The following PTCHD4 variants were observed in gnomAD, a reference collection of about 807,000 sequenced individuals.
PTCHD4 encodes patched domain containing 4.
In PTCHD4, 33 loss-of-function variants were observed where a neutral mutation model predicts 58.1. That is an observed-to-expected ratio of 0.57 (90% CI 0.43 to 0.76). The LOEUF (loss-of-function observed/expected upper bound fraction) is 0.76. PTCHD4 is among the 30% of genes least tolerant of loss of function. The pLI, the probability that PTCHD4 is intolerant of heterozygous loss-of-function variation, is 0.00. For missense variants in PTCHD4, 1,058 were observed against 1,027.1 expected (o/e 1.03, Z -0.41); for synonymous variants, 478 against 409.6 (o/e 1.17, Z -2.02).
chr6:47,888,860 A>C (rs1482144196), intron 4 of PTCHD4, among the ~76,000 whole-genome samples: 1 of 122,370 alleles, frequency 8.2e-6, no homozygotes, highest in African/African-American at 3.2e-5. Context: ...TCCTGTGTCC[A>C]TGTGATCTCA....
At chr6:48,109,279 G>A (rs1765811600) in intron 1 of PTCHD4, among the ~76,000 whole-genome samples, 1 of 151,980 alleles carries the variant, frequency 6.6e-6, no homozygotes, top group Non-Finnish European at 1.5e-5. Context: ...TATAACACCA[G>A]TACCACAAGA....
intron 4 of PTCHD4, among the ~76,000 whole-genome samples, chr6:47,957,784 T>G (rs1230592143): frequency 6.6e-6 from 1 of 151,712 alleles, no homozygotes; most frequent in Non-Finnish European, 1.5e-5. Flanking sequence ...TTTTGTATTT[T>G]TAGTAGAAAA....
At chr6:47,900,131 CTT>C (rs1035961119) in intron 4 of PTCHD4, 4 of 152,080 alleles carry the variant, frequency 2.6e-5, no homozygotes, top group African/African-American at 9.7e-5. Flanking sequence ...TTTCATTTCT[CTT>C]GAGTATATAC....
intron 4 of PTCHD4, among the ~76,000 whole-genome samples, chr6:47,905,919 C>T (rs1561950005): frequency 6.6e-6 from 1 of 152,222 alleles, no homozygotes; most frequent in African/African-American, 2.4e-5. Flanking sequence ...ACAACTGTTT[C>T]CCCTACTGAG....
chr6:47,989,768 A>G (rs1267396983), intron 4 of PTCHD4, among the ~76,000 whole-genome samples: 1 of 152,176 alleles, frequency 6.6e-6, no homozygotes, highest in Non-Finnish European at 1.5e-5. Flanking sequence ...CCTCATGGAG[A>G]GCCTCTGTTA....
At chr6:48,032,432 G>A (rs1763480345) in intron 3 of PTCHD4, among the ~76,000 whole-genome samples, 2 of 151,942 alleles carry the variant, frequency 1.3e-5, no homozygotes, top group South Asian at 4.1e-4. Context: ...GCGTGTGTGT[G>A]TGTGCGTGTG....
rs1375919675 is a variant in PTCHD4 at position 48,069,504 on chromosome 6, G to A, written c.-547C>T. Among the ~76,000 whole-genome samples, 1 of 152,152 alleles carries A rather than the reference G, an allele frequency of 6.6e-6. No homozygotes were observed. The highest frequency in any genetic ancestry group is 1.9e-4 in the East Asian group (1 of 5,172). On this transcript the variant is annotated 5_prime_UTR_variant, in exon 2 of 5. Coordinates refer to ENST00000339488, the MANE Select transcript of PTCHD4 (RefSeq NM_001384253.1). ...TTAACACACCACACAGCATGCAAGG[G>A]ATTTCCTCGCAACACCTTCCTCGCT...
intron 1 of PTCHD4, among the ~76,000 whole-genome samples, chr6:48,100,433 A>G (rs1379556648): frequency 6.6e-6 from 1 of 152,212 alleles, no homozygotes; most frequent in Non-Finnish European, 1.5e-5. Flanking sequence ...CTTTTCAGTC[A>G]TGATGACTCA....
Position 48,060,181 on chromosome 6 carries a change from A to G in PTCHD4, c.417+8049T>C, listed in dbSNP as rs548474257. ...GTTTCCTAAATGAATGTGTATGTGA[A>G]TGGCTTTTGAATCTTACCCACACGA... On this transcript the variant is annotated intron_variant, in intron 3 of 4. Transcript: ENST00000339488. 2.6e-5 allele frequency among the ~76,000 whole-genome samples: 4 copies of G among 152,304 alleles called. No homozygotes were observed. The South Asian group carries it at 8.3e-4, about 32-fold the overall frequency.
chr6:47,873,901 T>C lies in PTCHD4; in HGVS notation c.*4402A>G, dbSNP rs552175032. Among the ~76,000 whole-genome samples the C allele has an allele frequency of 4.6e-5, 7 of 151,832 alleles. No individual in the cohort carries two copies. In the East Asian group the frequency reaches 1.4e-3, roughly 30 times the overall value. On this transcript the variant is annotated 3_prime_UTR_variant, in exon 5 of 5. Coordinates refer to ENST00000339488, the MANE Select transcript of PTCHD4 (RefSeq NM_001384253.1). ...GAAGAAAAGTGCTTCTGAGGCTCTT[T>C]TGGAATAAGTAACAGTTTTCAGATT... is the stretch of plus-strand genomic sequence containing the variant.
At chr6:47,894,049 G>A (rs1021870042) in intron 4 of PTCHD4, among the ~76,000 whole-genome samples, 3 of 152,200 alleles carry the variant, frequency 2.0e-5, no homozygotes, top group Non-Finnish European at 2.9e-5. Flanking sequence ...ACACTCAGGA[G>A]GAGAACACGG....
At chr6:47,985,193 C>T (rs1447623324) in intron 4 of PTCHD4, among the ~76,000 whole-genome samples, 1 of 152,046 alleles carries the variant, frequency 6.6e-6, no homozygotes, top group East Asian at 1.9e-4. Context: ...TCTTACTACT[C>T]TTTTAAGCTG....
At chr6:48,073,421 T>C (rs1453360957) in intron 1 of PTCHD4, among the ~76,000 whole-genome samples, 2 of 152,236 alleles carry the variant, frequency 1.3e-5, no homozygotes, top group Non-Finnish European at 2.9e-5. Context: ...TTCATAAATA[T>C]AGATTACATT....
chr6:48,016,159 G>A (rs1562008520), intron 3 of PTCHD4, among the ~76,000 whole-genome samples: 1 of 151,842 alleles, frequency 6.6e-6, no homozygotes, highest in Admixed American at 6.6e-5. Context: ...GGGGACTTAG[G>A]GAGTGCCAGA....
intron 3 of PTCHD4, among the ~76,000 whole-genome samples, chr6:48,050,743 C>T (rs74647161): frequency 6.6e-6 from 1 of 152,084 alleles, no homozygotes; most frequent in East Asian, 1.9e-4. Flanking sequence ...CTTGACCTAT[C>T]CCTGTCTTCA....
chr6:47,980,812 GT>G (rs1196391130), intron 4 of PTCHD4, among the ~76,000 whole-genome samples: 12 of 151,708 alleles, frequency 7.9e-5, no homozygotes, highest in Admixed American at 2.0e-4. Flanking sequence ...GTGATACACT[GT>G]TTTTTCTCCT....
chr6:47,960,805 A>G (rs969825528), intron 4 of PTCHD4, among the ~76,000 whole-genome samples: 2 of 152,056 alleles, frequency 1.3e-5, no homozygotes, highest in South Asian at 2.1e-4. Context: ...AAAGAAAAAA[A>G]GAACTGCAAA....
chr6:48,098,308 T>TTTCTA (rs1285574810), intron 1 of PTCHD4, among the ~76,000 whole-genome samples: 1 of 151,364 alleles, frequency 6.6e-6, no homozygotes, highest in Admixed American at 6.6e-5. Context: ...GTAACTGGAA[T>TTTCTA]TTCTTTTCTT....
chr6:47,890,933 C>T, intron 4 of PTCHD4: 1 of 976,696 alleles, frequency 1.0e-6, no homozygotes, highest in Non-Finnish European at 1.2e-6. Flanking sequence ...ATGGGCCGTT[C>T]ACTGTGGCTC....
Sources: gnomAD v4.1 joint callset for allele counts (sites outside exome capture counted in the v4.1 genomes callset) on GRCh38, gnomAD v4.1.1 for gene constraint, MANE v1.5 for transcripts, NCBI Gene and HGNC (gene_info 2026-07-23, HGNC 2026-07-21) for gene names.